USP3: variants seen among roughly 807,000 people sequenced by gnomAD.
The protein encoded by USP3 is ubiquitin carboxyl-terminal hydrolase 3.
A neutral mutation model predicts 72.3 loss-of-function variants in USP3; 20 were observed. The ratio of observed to expected loss-of-function variants is 0.28; its 90% CI spans 0.19 to 0.40. The LOEUF (loss-of-function observed/expected upper bound fraction) is 0.40. Among genes scored for constraint, USP3 ranks in the 10% least tolerant of loss-of-function variants. The pLI, the probability that USP3 is intolerant of heterozygous loss-of-function variation, is 1.00. For synonymous variants in USP3, 222 were observed against 225.3 expected, an observed-to-expected ratio of 0.99 and a Z score of 0.13; for missense variants, 479 against 633.9, an observed-to-expected ratio of 0.76 and a Z score of 2.62.
intron 1 of USP3, among the ~76,000 whole-genome samples, chr15:63,507,987 T>C (rs1228341733): frequency 6.6e-6 from 1 of 152,210 alleles, no homozygotes; most frequent in African/African-American, 2.4e-5. Flanking sequence ...TTTTGCCTTT[T>C]TGTAACTCTT....
At chr15:63,508,824 CTAA>C (rs2065746890) in intron 1 of USP3, among the ~76,000 whole-genome samples, 1 of 152,126 alleles carries the variant, frequency 6.6e-6, no homozygotes, top group Non-Finnish European at 1.5e-5. Context: ...GATAGGCATG[CTAA>C]TTTTTCCCTG....
At position 63,528,997 on chromosome 15, in the gene USP3, C is replaced by G. The variant is rs1409779321; in HGVS notation, c.92-3650C>G. The G allele has an allele frequency of 1.6e-6, 2 of 1,288,532 alleles. No individual in the cohort carries two copies. The highest frequency in any genetic ancestry group is 2.0e-6 in the Non-Finnish European group (2 of 988,244). The allele number at this position is 1,288,532 out of a possible 1,614,324, so 79.8% of individuals were successfully genotyped here. A position where few individuals can be genotyped will look rare whatever the true frequency, so the allele number is the denominator to read the frequency against. ...TTCAGAATCCCTCATAATACCCTATCCTCTGTATCTTTCTAGCCTTCAAAT... is the reference window on the plus strand; with the variant it reads ...TTCAGAATCCCTCATAATACCCTATGCTCTGTATCTTTCTAGCCTTCAAAT... On this transcript the variant is annotated intron_variant, in intron 1 of 14. Transcript: ENST00000380324. The surrounding 1 kb of genome is among the most constrained non-coding windows in gnomAD (Gnocchi z 4.3).
Position 63,574,300 on chromosome 15 carries a change from G to A in USP3, c.1016-23G>A. ...ACATATATGCCTTTAACAGCTCTCT[G>A]TTTACCTCTCTCTCCTTTTAAGACC... On this transcript the variant is annotated intron_variant, in intron 10 of 14. Transcript: ENST00000380324. The surrounding 1 kb of genome is among the most constrained non-coding windows in gnomAD (Gnocchi z 4.6). 6.4e-7 allele frequency: 1 copy of A among 1,566,564 alleles called. No homozygotes were observed. Among genetic ancestry groups the A allele is most frequent in the Non-Finnish European group, 8.6e-7 (1 of 1,160,152 alleles).
At chr15:63,532,378 G>A in intron 1 of USP3, 1 of 503,732 alleles carries the variant, frequency 2.0e-6, no homozygotes, top group Non-Finnish European at 3.6e-6. Flanking sequence ...AGTAATAAAG[G>A]AGACAAGTGT....
rs2066542797 is a variant in USP3, at chr15:63,558,126, T to C, written c.471T>C (p.Cys157=). Residue 157 remains cysteine, a synonymous_variant, in exon 6 of 15, where the codon TGT becomes TGC. Transcript: ENST00000380324. ...LKVNGSTTAI[C]ATGLRNLGNT... ...TACAGGGAAGCACCACTGCCATTTG[T>C]GCCACAGGCCTTCGGAATTTGGGGA... The C allele has an allele frequency of 6.2e-7, 1 of 1,614,178 alleles. No homozygotes were observed. Among genetic ancestry groups the C allele is most frequent in the Non-Finnish European group, 8.5e-7 (1 of 1,180,038 alleles).
Position 63,534,595 on chromosome 15 carries a change from G to A in USP3, c.152+1888G>A, listed in dbSNP as rs78204061. On this transcript the variant is annotated intron_variant, in intron 2 of 14. Coordinates refer to ENST00000380324, the MANE Select transcript of USP3 (RefSeq NM_006537.4). ...TTTATACAAAACTGTTAACCTCTTC[G>A]ACTAATATATTTAGGTATCAGGCAA... 6.8e-3 allele frequency among the ~76,000 whole-genome samples: 1,029 copies of A among 152,156 alleles called. 14 individuals are homozygous for A. Among genetic ancestry groups the A allele is most frequent in the African/African-American group, 0.024 (990 of 41,492 alleles).
At chr15:63,546,418 G>T (rs537099529) in intron 3 of USP3, among the ~76,000 whole-genome samples, 2 of 151,802 alleles carry the variant, frequency 1.3e-5, no homozygotes, top group African/African-American at 4.9e-5. Context: ...TATGAGTTAC[G>T]TACTTTTTTG....
Position 63,574,468 on chromosome 15 carries a change from A to G in USP3, c.1096+65A>G. On this transcript the variant is annotated intron_variant, in intron 11 of 14. Coordinates refer to ENST00000380324, the MANE Select transcript of USP3 (RefSeq NM_006537.4). This position sits in a 1 kb window ranked among gnomAD's most constrained non-coding sequence, Gnocchi z 4.6. ...ATAATTGAATAGATTGATAAGCTTC[A>G]TCTATATGTGGTATCTTTAATTAAT... The G allele has an allele frequency of 8.1e-7, 1 of 1,229,186 alleles. No individual in the cohort carries two copies. The highest frequency in any genetic ancestry group is 1.5e-5 in the South Asian group (1 of 67,260). The allele number at this position is 1,229,186 out of a possible 1,614,324, so 76.1% of individuals were successfully genotyped here.
At chr15:63,513,967 A>C (rs1439957543) in intron 1 of USP3, among the ~76,000 whole-genome samples, 1 of 152,210 alleles carries the variant, frequency 6.6e-6, no homozygotes, top group Non-Finnish European at 1.5e-5. Flanking sequence ...CACACAGTAA[A>C]ATGTTCTTTG....
intron 3 of USP3, among the ~76,000 whole-genome samples, chr15:63,547,833 AGAGG>A (rs1432022994): frequency 1.9e-5 from 2 of 107,410 alleles, no homozygotes; most frequent in Non-Finnish European, 2.0e-5. Flanking sequence ...AGAGAGAGAG[AGAGG>A]GAGGGAGGGA....
intron 1 of USP3, among the ~76,000 whole-genome samples, chr15:63,524,956 C>G (rs1205698622): frequency 6.6e-6 from 1 of 152,092 alleles, no homozygotes; most frequent in Non-Finnish European, 1.5e-5. Flanking sequence ...GAATTTGTGG[C>G]CATCTTTAAT....
intron 2 of USP3, among the ~76,000 whole-genome samples, chr15:63,536,775 A>AC (rs1026591457): frequency 1.3e-5 from 2 of 151,802 alleles, no homozygotes; most frequent in African/African-American, 4.8e-5. Context: ...AATGGTGTGA[A>AC]CCTAGGAGGT....
At chr15:63,536,990 ATATT>A in intron 2 of USP3, 31 bp from the exon 3 acceptor site, 3 of 1,592,400 alleles carry the variant, frequency 1.9e-6, no homozygotes, top group South Asian at 2.3e-5. Context: ...TTCCAAAGCA[ATATT>A]TAAAGTAAAT....
chr15:63,516,504 A>T (rs140631204), intron 1 of USP3, among the ~76,000 whole-genome samples: 3 of 152,122 alleles, frequency 2.0e-5, no homozygotes, highest in African/African-American at 7.2e-5. Context: ...ACATTAAGGG[A>T]GGTAAATTTT....
Position 63,588,013 on chromosome 15 carries a change from C to A in USP3, c.1097-292C>A. On this transcript the variant is annotated intron_variant, in intron 11 of 14. Coordinates refer to ENST00000380324, the MANE Select transcript of USP3 (RefSeq NM_006537.4). The surrounding 1 kb of genome is among the most constrained non-coding windows in gnomAD (Gnocchi z 4.6). ...TGAAACTTTAAATTCATCAGGAAAC[C>A]ATTTTATCAGAATTATCCAGATGAA... The A allele has an allele frequency of 8.9e-6, 2 of 224,528 alleles. No individual in the cohort carries two copies. Among genetic ancestry groups the A allele is most frequent in the Non-Finnish European group, 1.7e-5 (2 of 115,326 alleles). The allele number at this position is 224,528 out of a possible 1,614,324, so 13.9% of individuals were successfully genotyped here.
chr15:63,559,286 G>C (rs563936559), intron 6 of USP3, among the ~76,000 whole-genome samples: 1 of 152,154 alleles, frequency 6.6e-6, no homozygotes, highest in Non-Finnish European at 1.5e-5. Context: ...TATTTTGAAA[G>C]TTGCATACTT....
At chr15:63,538,352 G>C (rs1052776646) in intron 3 of USP3, among the ~76,000 whole-genome samples, 1 of 152,116 alleles carries the variant, frequency 6.6e-6, no homozygotes, top group Non-Finnish European at 1.5e-5. Flanking sequence ...TTTATTGTCA[G>C]ACAGCCCTTG....
rs1012346225 is a variant in USP3, at chr15:63,553,900, T to C, written c.368+102T>C. On this transcript the variant is annotated intron_variant, in intron 4 of 14. Transcript: ENST00000380324. This position sits in a 1 kb window ranked among gnomAD's most constrained non-coding sequence, Gnocchi z 4.2. ...TTTGTTGATGAGTTTAATAACTTCA[T>C]GTTTATAATATGATTGAAATGTTAA... 3 of 835,262 alleles carry C rather than the reference T, an allele frequency of 3.6e-6. No homozygotes were observed. Among genetic ancestry groups the C allele is most frequent in the Non-Finnish European group, 1.8e-6 (1 of 549,154 alleles). The allele number at this position is 835,262 out of a possible 1,614,324, so 51.7% of individuals were successfully genotyped here.
At chr15:63,520,401 C>G (rs75508702) in intron 1 of USP3, among the ~76,000 whole-genome samples, 13 of 152,138 alleles carry the variant, frequency 8.5e-5, no homozygotes, top group African/African-American at 2.9e-4. Context: ...CCTTATAACT[C>G]AAGTTCAAAT....
Sources: gnomAD v4.1 joint callset for allele counts (sites outside exome capture counted in the v4.1 genomes callset) on GRCh38, gnomAD v4.1.1 for gene constraint, Gnocchi (gnomAD v3.1) non-coding constraint, MANE v1.5 for transcripts, NCBI Gene and HGNC (gene_info 2026-07-23, HGNC 2026-07-21) for gene names.